Variants in REV3L observed in about 807,000 individuals in gnomAD.
REV3L encodes DNA polymerase zeta catalytic subunit.
REV3L carries 69 observed loss-of-function variants against 299.4 expected under a neutral mutation model. That is an observed-to-expected ratio of 0.23 (90% CI 0.19 to 0.28). REV3L has a LOEUF of 0.28. Ranked by LOEUF, REV3L falls within the 10% of genes least tolerant of loss-of-function variation. REV3L has a pLI of 1.00. For missense variants in REV3L, 3,128 were observed against 3,693.8 expected (o/e 0.85, Z 3.97); for synonymous variants, 1,238 against 1,271.4 (o/e 0.97, Z 0.56).
At chr6:111,426,171 T>C (rs886224249) in intron 1 of REV3L, among the ~76,000 whole-genome samples, 1 of 152,102 alleles carries the variant, frequency 6.6e-6, no homozygotes, top group Admixed American at 6.6e-5. Flanking sequence ...CCCTGTAGGG[T>C]ATACATTAGT....
At chr6:111,404,286 A>G (rs932653991) in intron 4 of REV3L, among the ~76,000 whole-genome samples, 1 of 152,232 alleles carries the variant, frequency 6.6e-6, no homozygotes. Flanking sequence ...GGTTGACTGA[A>G]TATTTTAAGC....
intron 1 of REV3L, among the ~76,000 whole-genome samples, chr6:111,471,417 G>A (rs1191857941): frequency 1.3e-5 from 2 of 152,130 alleles, no homozygotes; most frequent in Non-Finnish European, 2.9e-5. Flanking sequence ...ATACCACAAT[G>A]TGCAGATGTT....
chr6:111,407,659 G>A (rs1277159021), intron 3 of REV3L, among the ~76,000 whole-genome samples: 3 of 152,206 alleles, frequency 2.0e-5, no homozygotes, highest in Non-Finnish European at 4.4e-5. Context: ...GGAAAGCCGA[G>A]CACAGTGGCT....
chr6:111,315,228 G>C (rs544123192), intron 27 of REV3L, 39 bp downstream of exon 27: 1 of 1,478,426 alleles, frequency 6.8e-7, no homozygotes, highest in East Asian at 2.4e-5. Flanking sequence ...GAAGGTATAT[G>C]AATTTTATAT....
chr6:111,424,448 G>A (rs572543629), intron 1 of REV3L, among the ~76,000 whole-genome samples: 1 of 152,306 alleles, frequency 6.6e-6, no homozygotes, highest in South Asian at 2.1e-4. Flanking sequence ...TCAGAACTCT[G>A]GAAATTAAAG....
intron 4 of REV3L, among the ~76,000 whole-genome samples, chr6:111,399,711 G>A (rs760564609): frequency 4.6e-5 from 7 of 152,092 alleles, no homozygotes; most frequent in African/African-American, 1.2e-4. Context: ...TCACACAGGC[G>A]AAGTACCTTT....
At chr6:111,410,228 A>T (rs1228205970) in intron 3 of REV3L, among the ~76,000 whole-genome samples, 1 of 152,200 alleles carries the variant, frequency 6.6e-6, no homozygotes, top group Admixed American at 6.5e-5. Flanking sequence ...ATGAACAAAT[A>T]ATGATGAATA....
chr6:111,385,922 A>T (rs1781300889), intron 9 of REV3L, among the ~76,000 whole-genome samples: 1 of 152,208 alleles, frequency 6.6e-6, no homozygotes, highest in South Asian at 2.1e-4. Context: ...CAGAGCAGCA[A>T]ATTTTTTACA....
In REV3L at chr6:111,422,575, TACAC is replaced by T. The variant is rs71798675; in HGVS notation, c.140-6107_140-6104del. On this transcript the variant is annotated intron_variant, in intron 1 of 31. Transcript: ENST00000368802. ...TATGGGTGATTCTTTTATATATATATACACATATATATATATATACACATATATA... is the reference window on the plus strand; with the variant it reads ...TATGGGTGATTCTTTTATATATATATATATATATATATATACACATATATA... Among the ~76,000 whole-genome samples the T allele has an allele frequency of 1.2e-4, 10 of 84,280 alleles. 1 individual carries two copies. Among genetic ancestry groups the T allele is most frequent in the Admixed American group, 5.4e-4 (4 of 7,430 alleles). 55.3% of individuals were successfully genotyped at this position (84,280 alleles called of 152,430 possible).
rs746706644 is a variant in REV3L, at chr6:111,387,787, G to C, written c.1074C>G (p.His358Gln). The C allele has an allele frequency of 6.2e-7, 1 of 1,613,846 alleles. No homozygotes were observed. The change falls in exon 9 of 32, where the codon CAC (histidine) becomes CAG (glutamine). Residue 358 changes from histidine to glutamine, a missense_variant. This residue lies in a region of REV3L where 2,409 missense variants were observed against 2,611.8 expected (regional missense o/e 0.92). Coordinates refer to ENST00000368802, the MANE Select transcript of REV3L (RefSeq NM_001372078.1). The stretch of plus-strand genomic sequence containing the variant: ...TACCTTTGCTTGACTCTTTGTCTTT[G>C]TGAACTTCTACCATATTGGCTGGTG... ...QCTPANMVEV[H>Q]KDKESSKGHT...
At chr6:111,306,605 T>G (rs1202836612) in intron 31 of REV3L, among the ~76,000 whole-genome samples, 1 of 152,214 alleles carries the variant, frequency 6.6e-6, no homozygotes, top group Non-Finnish European at 1.5e-5. Flanking sequence ...CTCGGCCACT[T>G]AGCAGTGTAA....
At chr6:111,359,254 A>G (rs1420949115) in intron 16 of REV3L, among the ~76,000 whole-genome samples, 2 of 152,038 alleles carry the variant, frequency 1.3e-5, no homozygotes, top group Non-Finnish European at 2.9e-5. Context: ...TATTTAGACT[A>G]TTTTTCTCAA....
intron 1 of REV3L, among the ~76,000 whole-genome samples, chr6:111,418,254 G>A (rs1784968609): frequency 1.3e-5 from 2 of 152,128 alleles, no homozygotes; most frequent in African/African-American, 4.8e-5. Flanking sequence ...TATTTTACAA[G>A]CAATACTGTA....
At chr6:111,473,539 G>A (rs1048091724) in intron 1 of REV3L, among the ~76,000 whole-genome samples, 68 of 151,376 alleles carry the variant, frequency 4.5e-4, no homozygotes. Context: ...ATAATCTTTT[G>A]TTTTCTTAAA....
chr6:111,310,479 C>T (rs1772851225), intron 29 of REV3L: 2 of 157,928 alleles, frequency 1.3e-5, no homozygotes, highest in Admixed American at 1.3e-4. Context: ...TAGCGAGACC[C>T]CCATCTCCAC....
intron 1 of REV3L, among the ~76,000 whole-genome samples, chr6:111,457,661 T>C (rs985765599): frequency 1.5e-4 from 22 of 151,088 alleles, no homozygotes; most frequent in African/African-American, 5.1e-4. Context: ...AAAAAACAAG[T>C]ATTAAAAAAA....
chr6:111,444,754 A>C (rs1164060366), intron 1 of REV3L, among the ~76,000 whole-genome samples: 1 of 152,164 alleles, frequency 6.6e-6, no homozygotes, highest in Non-Finnish European at 1.5e-5. Flanking sequence ...GGCTTTCTCT[A>C]CTCCAGTACA....
chr6:111,368,839 T>C (rs1344571514), intron 13 of REV3L, among the ~76,000 whole-genome samples: 1 of 152,196 alleles, frequency 6.6e-6, no homozygotes, highest in Non-Finnish European at 1.5e-5. Flanking sequence ...TTCATAGTTT[T>C]TTCAATCACT....
At chr6:111,307,932 C>G in intron 30 of REV3L, 1 of 280,982 alleles carries the variant, frequency 3.6e-6, no homozygotes, top group Non-Finnish European at 7.0e-6. Flanking sequence ...CTATCCCTCC[C>G]CCAGCTCCCC....
Sources: gnomAD v4.1 joint callset for allele counts (sites outside exome capture counted in the v4.1 genomes callset) on GRCh38, gnomAD v4.1.1 for gene constraint, gnomAD v4.1.1 regional missense constraint, MANE v1.5 for transcripts, NCBI Gene and HGNC (gene_info 2026-07-23, HGNC 2026-07-21) for gene names.